The following UBE2E2 variants were observed in gnomAD, a reference collection of about 807,000 sequenced individuals.
The protein encoded by UBE2E2 is ubiquitin-conjugating enzyme E2 E2.
UBE2E2 carries 6 observed loss-of-function variants against 24.7 expected under a neutral mutation model. The ratio of observed to expected loss-of-function variants is 0.24; its 90% confidence interval spans 0.13 to 0.48. The LOEUF is 0.48. UBE2E2 is among the 20% of genes least tolerant of loss of function. The pLI is 0.99. For synonymous variants in UBE2E2, 104 were observed against 83.6 expected (o/e 1.24, Z -1.33); for missense variants, 169 against 245.0 (o/e 0.69, Z 2.07).
At chr3:23,276,148 G>A (rs1045987019) in intron 3 of UBE2E2, among the ~76,000 whole-genome samples, 4 of 151,984 alleles carry the variant, frequency 2.6e-5, no homozygotes, top group African/African-American at 9.7e-5. Context: ...TTGGTTGTTG[G>A]AGAGCCTTCA....
At chr3:23,412,667 C>T (rs1327578689) in intron 3 of UBE2E2, among the ~76,000 whole-genome samples, 2 of 152,276 alleles carry the variant, frequency 1.3e-5, no homozygotes, top group East Asian at 1.9e-4. Flanking sequence ...TCAGAAACAA[C>T]TCTTCTTTCC....
chr3:23,461,075 C>T (rs1698796144), intron 3 of UBE2E2, among the ~76,000 whole-genome samples: 1 of 152,098 alleles, frequency 6.6e-6, no homozygotes, highest in Non-Finnish European at 1.5e-5. Flanking sequence ...CATGTGTTTC[C>T]ACAGCACTGC....
intron 3 of UBE2E2, among the ~76,000 whole-genome samples, chr3:23,386,851 A>G (rs1696815102): frequency 6.6e-6 from 1 of 152,200 alleles, no homozygotes; most frequent in African/African-American, 2.4e-5. Flanking sequence ...CTGGCCATTC[A>G]GTTTTCATAC....
intron 3 of UBE2E2, among the ~76,000 whole-genome samples, chr3:23,261,769 T>A (rs1697908075): frequency 6.6e-6 from 1 of 152,214 alleles, no homozygotes; most frequent in South Asian, 2.1e-4. Context: ...TTCAGAATCA[T>A]CCAATGTGTA....
chr3:23,223,393 G>A lies in UBE2E2; in HGVS notation c.227+6081G>A, dbSNP rs150141465. ...TTTTGAGTAGAGATGGGGTTTTACC[G>A]TGTTGGCCGGGCTGGTCTCAAACTC... On this transcript the variant is annotated intron_variant, in intron 3 of 5. Transcript: ENST00000396703. 5.5e-3 allele frequency among the ~76,000 whole-genome samples: 830 copies of A among 151,916 alleles called. 9 individuals carry two copies. The highest frequency in any genetic ancestry group is 0.018 in the African/African-American group (762 of 41,456).
intron 3 of UBE2E2, among the ~76,000 whole-genome samples, chr3:23,426,445 G>A (rs1275761176): frequency 1.4e-5 from 2 of 147,198 alleles, no homozygotes; most frequent in Non-Finnish European, 3.0e-5. Context: ...GCTACACATA[G>A]TCATATCATA....
chr3:23,459,530 A>G (rs900410912), intron 3 of UBE2E2, among the ~76,000 whole-genome samples: 8 of 152,208 alleles, frequency 5.3e-5, no homozygotes, highest in Non-Finnish European at 8.8e-5. Flanking sequence ...AGACACCTTT[A>G]TGAAACATTT....
At chr3:23,573,657 G>A (rs1169091251) in intron 5 of UBE2E2, among the ~76,000 whole-genome samples, 1 of 152,156 alleles carries the variant, frequency 6.6e-6, no homozygotes, top group East Asian at 1.9e-4. Context: ...TAAAGCATCA[G>A]TATGTTTTTA....
At chr3:23,585,926 T>C (rs1696615809) in intron 5 of UBE2E2, among the ~76,000 whole-genome samples, 1 of 152,044 alleles carries the variant, frequency 6.6e-6, no homozygotes, top group East Asian at 1.9e-4. Flanking sequence ...TATTACCTTT[T>C]AGTGTTGCTA....
intron 3 of UBE2E2, among the ~76,000 whole-genome samples, chr3:23,321,068 G>A (rs909768968): frequency 6.6e-6 from 1 of 152,232 alleles, no homozygotes; most frequent in Non-Finnish European, 1.5e-5. Flanking sequence ...TCCTTGGCTT[G>A]TATCTGCATC....
intron 3 of UBE2E2, among the ~76,000 whole-genome samples, chr3:23,241,316 C>T (rs1039770917): frequency 6.6e-5 from 10 of 152,174 alleles, no homozygotes; most frequent in African/African-American, 2.4e-4. Context: ...CACACCCTCC[C>T]AACAGGTCTC....
At chr3:23,440,034 G>T (rs1348070608) in intron 3 of UBE2E2, among the ~76,000 whole-genome samples, 1 of 151,944 alleles carries the variant, frequency 6.6e-6, no homozygotes, top group Non-Finnish European at 1.5e-5. Flanking sequence ...TGCTTTGGGA[G>T]GCCGAGGTGG....
intron 3 of UBE2E2, among the ~76,000 whole-genome samples, chr3:23,261,298 T>C (rs911760568): frequency 1.3e-5 from 2 of 152,140 alleles, no homozygotes; most frequent in African/African-American, 4.8e-5. Context: ...TGTTTTCCTT[T>C]TCTCATTTCT....
rs142349715 is a variant in UBE2E2, at chr3:23,416,384, G to C, written c.228-83224G>C. ...AAGAATGTTGGATACTGGCGCTCAC[G>C]CTCCTCTGGCTTGTAGGGTTTCTGC... is the stretch of plus-strand genomic sequence containing the variant. On this transcript the variant is annotated intron_variant, in intron 3 of 5. Transcript: ENST00000396703. Among the ~76,000 whole-genome samples the C allele has an allele frequency of 7.5e-3, 1,142 of 152,252 alleles. 4 individuals carry two copies. Among genetic ancestry groups the C allele is most frequent in the Middle Eastern group, 0.014 (4 of 294 alleles).
chr3:23,550,056 A>T (rs1047986259), intron 5 of UBE2E2, among the ~76,000 whole-genome samples: 4 of 151,268 alleles, frequency 2.6e-5, no homozygotes, highest in Non-Finnish European at 5.9e-5. Context: ...AAGCAATTTC[A>T]TTCTCAGCAT....
chr3:23,506,386 C>A (rs990930342), intron 4 of UBE2E2, among the ~76,000 whole-genome samples: 9 of 152,228 alleles, frequency 5.9e-5, no homozygotes, highest in Admixed American at 5.9e-4. Flanking sequence ...TTCCCCATAT[C>A]AATGAATGTC....
At chr3:23,339,867 TAGTC>T (rs1314522861) in intron 3 of UBE2E2, among the ~76,000 whole-genome samples, 3 of 152,156 alleles carry the variant, frequency 2.0e-5, no homozygotes, top group Non-Finnish European at 4.4e-5. Context: ...ATAATCAAAG[TAGTC>T]AGAGTGATTA....
intron 5 of UBE2E2, among the ~76,000 whole-genome samples, chr3:23,542,265 A>G (rs1049244135): frequency 1.3e-5 from 2 of 152,190 alleles, no homozygotes; most frequent in African/African-American, 4.8e-5. Flanking sequence ...ATGGTTCTGT[A>G]TCTGCGGGTA....
rs1055044489 is a variant in UBE2E2, at chr3:23,280,295, T to C, written c.227+62983T>C. On this transcript the variant is annotated intron_variant, in intron 3 of 5. Coordinates refer to ENST00000396703, the MANE Select transcript of UBE2E2 (RefSeq NM_152653.4). The surrounding 1 kb of genome is among the most constrained non-coding windows in gnomAD (Gnocchi z 4.3). ...TGGTATTCAGAATTGCACCCCTTAG[T>C]GTAATTTTTAGTGGTGAGAGTCTTA... Among the ~76,000 whole-genome samples, 1 of 152,188 alleles carries C rather than the reference T, an allele frequency of 6.6e-6. No homozygotes were observed. The highest frequency in any genetic ancestry group is 1.5e-5 in the Non-Finnish European group (1 of 68,042).
Sources: gnomAD v4.1 joint callset for allele counts (sites outside exome capture counted in the v4.1 genomes callset) on GRCh38, gnomAD v4.1.1 for gene constraint, Gnocchi (gnomAD v3.1) non-coding constraint, MANE v1.5 for transcripts, NCBI Gene and HGNC (gene_info 2026-07-23, HGNC 2026-07-21) for gene names.